The following OPCML variants were observed in gnomAD, a reference collection of about 807,000 sequenced individuals.
OPCML encodes opioid-binding protein/cell adhesion molecule.
A neutral mutation model predicts 37.8 loss-of-function variants in OPCML; 13 were observed. That is an observed-to-expected ratio of 0.34 (90% confidence interval 0.22 to 0.55). OPCML has a LOEUF of 0.55. OPCML is among the 20% of genes least tolerant of loss of function. The probability of loss-of-function intolerance (pLI) is 0.91; values close to 1 mark genes in which losing one functional copy is unlikely to be tolerated. For missense variants in OPCML, 341 were observed against 435.6 expected (o/e 0.78, Z 1.93); for synonymous variants, 176 against 168.8 (o/e 1.04, Z -0.33).
intron 2 of OPCML, among the ~76,000 whole-genome samples, chr11:132,814,111 G>C (rs1225956428): frequency 2.0e-5 from 3 of 152,156 alleles, no homozygotes; most frequent in Admixed American, 2.0e-4. Flanking sequence ...TCACTTCCAA[G>C]TTCACAGGTT....
At chr11:132,668,202 GAACT>G (rs1942305961) in intron 2 of OPCML, among the ~76,000 whole-genome samples, 1 of 152,182 alleles carries the variant, frequency 6.6e-6, no homozygotes, top group Non-Finnish European at 1.5e-5. Flanking sequence ...ATGGGGATGT[GAACT>G]AACTTAGAGG....
At chr11:133,138,575 G>A (rs1453473287) in intron 1 of OPCML, among the ~76,000 whole-genome samples, 1 of 152,150 alleles carries the variant, frequency 6.6e-6, no homozygotes, top group Non-Finnish European at 1.5e-5. Flanking sequence ...TTAATTTCCT[G>A]TTTGTAAATC....
Position 133,211,593 on chromosome 11 carries a change from G to A in OPCML, c.62-268583C>T, listed in dbSNP as rs1939360728. Among the ~76,000 whole-genome samples, 1 of 152,204 alleles carries A rather than the reference G, an allele frequency of 6.6e-6. No homozygotes were observed. The highest frequency in any genetic ancestry group is 2.1e-4 in the South Asian group (1 of 4,832). On this transcript the variant is annotated intron_variant, in intron 1 of 7. Transcript: ENST00000524381. This position sits in a 1 kb window ranked among gnomAD's most constrained non-coding sequence, Gnocchi z 4.1. Reference sequence around the variant, plus strand: ...GCTTTGGCATCAACAGTGGAACATGGTTTCCTAGAAGGGAGCTGAGGTACC... The same window carrying A: ...GCTTTGGCATCAACAGTGGAACATGATTTCCTAGAAGGGAGCTGAGGTACC...
intron 1 of OPCML, among the ~76,000 whole-genome samples, chr11:133,471,398 T>G (rs1453928207): frequency 6.6e-6 from 1 of 152,044 alleles, no homozygotes; most frequent in Non-Finnish European, 1.5e-5. Context: ...CAGAGCTGAG[T>G]GTATTGTATG....
chr11:132,814,279 A>G (rs550271688), intron 2 of OPCML, among the ~76,000 whole-genome samples: 47 of 152,224 alleles, frequency 3.1e-4, no homozygotes, highest in Non-Finnish European at 4.1e-4. Context: ...AGATAGAGAT[A>G]GAGATGTATT....
At chr11:133,167,246 A>T (rs1351645482) in intron 1 of OPCML, among the ~76,000 whole-genome samples, 2 of 152,156 alleles carry the variant, frequency 1.3e-5, no homozygotes, top group African/African-American at 4.8e-5. Flanking sequence ...CATCATCATT[A>T]TTATTTTATT....
chr11:132,995,628 C>T (rs1157345599), intron 1 of OPCML, among the ~76,000 whole-genome samples: 1 of 152,102 alleles, frequency 6.6e-6, no homozygotes, highest in Non-Finnish European at 1.5e-5. Flanking sequence ...ACCTTCAATA[C>T]TTCCCTTTTA....
chr11:132,582,852 T>TC (rs2096464949), intron 3 of OPCML, among the ~76,000 whole-genome samples: 3 of 148,014 alleles, frequency 2.0e-5, no homozygotes, highest in African/African-American at 7.4e-5. Flanking sequence ...TAAGGTTTTT[T>TC]TTTTTTTTTT....
At chr11:132,630,882 G>A (rs1940059685) in intron 3 of OPCML, among the ~76,000 whole-genome samples, 2 of 152,000 alleles carry the variant, frequency 1.3e-5, no homozygotes, top group African/African-American at 4.8e-5. Flanking sequence ...CATTCCAACT[G>A]GGGAATGGAT....
At chr11:133,214,042 T>C (rs1175407178) in intron 1 of OPCML, among the ~76,000 whole-genome samples, 1 of 152,170 alleles carries the variant, frequency 6.6e-6, no homozygotes, top group African/African-American at 2.4e-5. Context: ...CATAACAATA[T>C]TTGTTTTTAT....
chr11:132,886,478 G>C (rs948953237), intron 2 of OPCML, among the ~76,000 whole-genome samples: 17 of 152,222 alleles, frequency 1.1e-4, no homozygotes, highest in Admixed American at 9.2e-4. Flanking sequence ...GGCAGCGACC[G>C]TGAGAAGGAC....
chr11:132,779,701 G>A (rs1216136641), intron 2 of OPCML, among the ~76,000 whole-genome samples: 1 of 152,130 alleles, frequency 6.6e-6, no homozygotes, highest in Admixed American at 6.6e-5. Context: ...CCCTGCAGCA[G>A]AATGTTAATG....
At chr11:133,293,115 A>G (rs1942525555) in intron 1 of OPCML, among the ~76,000 whole-genome samples, 1 of 152,142 alleles carries the variant, frequency 6.6e-6, no homozygotes, top group Non-Finnish European at 1.5e-5. Context: ...GAAGTTTTCT[A>G]TGACATTTTG....
At chr11:133,095,277 G>GGT (rs1436840437) in intron 1 of OPCML, among the ~76,000 whole-genome samples, 63 of 44,236 alleles carry the variant, frequency 1.4e-3, no homozygotes, top group African/African-American at 5.3e-3. Flanking sequence ...TAATGTAAAT[G>GGT]TTTTTTTTTT....
At chr11:133,051,407 T>C (rs927943326) in intron 1 of OPCML, among the ~76,000 whole-genome samples, 1 of 152,286 alleles carries the variant, frequency 6.6e-6, no homozygotes, top group East Asian at 1.9e-4. Flanking sequence ...ACCCAGACAT[T>C]CCAGGGCTGC....
chr11:133,290,482 G>A (rs1942444958), intron 1 of OPCML, among the ~76,000 whole-genome samples: 1 of 152,186 alleles, frequency 6.6e-6, no homozygotes, highest in Admixed American at 6.5e-5. Flanking sequence ...AATGCCTCTA[G>A]GATGTTGGGG....
chr11:132,723,703 G>A (rs1944763539), intron 2 of OPCML, among the ~76,000 whole-genome samples: 1 of 152,130 alleles, frequency 6.6e-6, no homozygotes. Context: ...GCCATTCCAG[G>A]CCTATGCCCT....
At chr11:133,057,875 G>A (rs755839548) in intron 1 of OPCML, among the ~76,000 whole-genome samples, 3 of 152,154 alleles carry the variant, frequency 2.0e-5, no homozygotes, top group Non-Finnish European at 2.9e-5. Context: ...AAAGTTCCAG[G>A]TGTTTGCAAT....
Position 132,419,374 on chromosome 11 carries a change from C to G in OPCML, c.*819G>C, listed in dbSNP as rs1358807153. ...TATTTGAGTAGATGGGTAACTGTAC[C>G]ATTACTTTGATAGATAGCTTGACAA... On this transcript the variant is annotated 3_prime_UTR_variant, in exon 8 of 8. Transcript: ENST00000524381. 1 of 152,092 alleles carries G rather than the reference C, an allele frequency of 6.6e-6. No individual in the cohort carries two copies. The highest frequency in any genetic ancestry group is 1.5e-5 in the Non-Finnish European group (1 of 68,028). The allele number at this position is 152,092 out of a possible 1,614,324, so 9.4% of individuals were successfully genotyped here.
Sources: gnomAD v4.1 joint callset for allele counts (sites outside exome capture counted in the v4.1 genomes callset) on GRCh38, gnomAD v4.1.1 for gene constraint, Gnocchi (gnomAD v3.1) non-coding constraint, MANE v1.5 for transcripts, NCBI Gene and HGNC (gene_info 2026-07-23, HGNC 2026-07-21) for gene names.